The following CSMD2 variants were observed in gnomAD, a reference collection of about 807,000 sequenced individuals.
The protein encoded by CSMD2 is CUB and sushi domain-containing protein 2.
Under a neutral mutation model 398.5 loss-of-function variants are expected in CSMD2, and 130 were observed. The observed-to-expected ratio is 0.33, with a 90% confidence interval of 0.28 to 0.38. CSMD2 has a LOEUF of 0.38. CSMD2 is among the 10% of genes least tolerant of loss of function. The probability of loss-of-function intolerance (pLI) is 1.00; values close to 1 mark genes in which losing one functional copy is unlikely to be tolerated. For synonymous variants in CSMD2, 1,828 were observed against 1,908.5 expected (o/e 0.96, Z 1.10); for missense variants, 3,829 against 4,764.9 (o/e 0.80, Z 5.78).
At chr1:33,701,096 A>G (rs574654620) in intron 22 of CSMD2, among the ~76,000 whole-genome samples, 20 of 152,128 alleles carry the variant, frequency 1.3e-4, no homozygotes, top group African/African-American at 4.3e-4. Flanking sequence ...TAAACCCTCA[A>G]TCCTGTCCTT....
intron 13 of CSMD2, among the ~76,000 whole-genome samples, chr1:33,765,714 T>C (rs1025234421): frequency 5.9e-5 from 9 of 152,128 alleles, no homozygotes; most frequent in African/African-American, 2.2e-4. Flanking sequence ...AAGACAACTA[T>C]ACAATGAAAA....
intron 3 of CSMD2, among the ~76,000 whole-genome samples, chr1:34,026,044 C>G (rs1171763443): frequency 2.0e-5 from 3 of 152,208 alleles, no homozygotes; most frequent in Non-Finnish European, 4.4e-5. Context: ...AATTAGCTGA[C>G]ATTTATCAAG....
At chr1:33,932,051 A>G (rs1038768958) in intron 4 of CSMD2, among the ~76,000 whole-genome samples, 1 of 152,196 alleles carries the variant, frequency 6.6e-6, no homozygotes, top group Non-Finnish European at 1.5e-5. Context: ...GAACAGCAAG[A>G]AAAGCAAGAA....
At chr1:33,725,735 A>G (rs1025151464) in intron 16 of CSMD2, among the ~76,000 whole-genome samples, 199 bp from the exon 17 acceptor site, 1 of 151,968 alleles carries the variant, frequency 6.6e-6, no homozygotes, top group East Asian at 1.9e-4. Context: ...TCCTCCTTCC[A>G]TGGTTGGAAA....
At chr1:33,538,697 C>T (rs559559219) in intron 60 of CSMD2, among the ~76,000 whole-genome samples, 2 of 152,308 alleles carry the variant, frequency 1.3e-5, no homozygotes, top group African/African-American at 4.8e-5. Flanking sequence ...AAGTGAAGAG[C>T]AACCAGCGTG....
intron 25 of CSMD2, among the ~76,000 whole-genome samples, chr1:33,674,677 A>C (rs1468121613): frequency 6.6e-6 from 1 of 152,194 alleles, no homozygotes; most frequent in Admixed American, 6.5e-5. Flanking sequence ...ACCACACCAC[A>C]CCTATTCCAA....
chr1:33,856,203 C>A (rs926119191), intron 5 of CSMD2, among the ~76,000 whole-genome samples: 5 of 152,180 alleles, frequency 3.3e-5, no homozygotes, highest in African/African-American at 9.7e-5. Context: ...CTTACCAATG[C>A]CTTGAACCCA....
At chr1:33,880,889 T>C (rs1407296096) in intron 5 of CSMD2, among the ~76,000 whole-genome samples, 3 of 152,306 alleles carry the variant, frequency 2.0e-5, no homozygotes, top group South Asian at 4.1e-4. Context: ...CAGTGATAAG[T>C]GACAATAAGA....
At chr1:34,120,733 C>T (rs1423918408) in intron 1 of CSMD2, among the ~76,000 whole-genome samples, 1 of 152,090 alleles carries the variant, frequency 6.6e-6, no homozygotes, top group Non-Finnish European at 1.5e-5. Flanking sequence ...TTAGAAGAGA[C>T]GGTGTTTCAC....
chr1:34,092,440 G>C (rs1448741919), intron 1 of CSMD2, among the ~76,000 whole-genome samples: 1 of 152,226 alleles, frequency 6.6e-6, no homozygotes, highest in Non-Finnish European at 1.5e-5. Context: ...CCCGTCCACA[G>C]CTCCCAGCGT....
In CSMD2 at chr1:34,039,768, C is replaced by T. The variant is rs536273714; in HGVS notation, c.405-7062G>A. Among the ~76,000 whole-genome samples, 3 of 152,242 alleles carry T rather than the reference C, an allele frequency of 2.0e-5. No homozygotes were observed. The East Asian group carries it at 5.8e-4, about 29-fold the overall frequency. On this transcript the variant is annotated intron_variant, in intron 2 of 70. Coordinates refer to ENST00000373381, the MANE Select transcript of CSMD2 (RefSeq NM_001281956.2). The stretch of plus-strand genomic sequence containing the variant: ...GCCTAGTTTGAATAATTTCAGAGGG[C>T]ACCAGGGTATGTGGACCACCCTTAG...
At chr1:33,595,857 T>C (rs892450373) in intron 44 of CSMD2, among the ~76,000 whole-genome samples, 3 of 152,222 alleles carry the variant, frequency 2.0e-5, no homozygotes, top group African/African-American at 7.2e-5. Flanking sequence ...TGGTGCTAGA[T>C]GTGCTCATTA....
At chr1:33,776,515 GA>G (rs1323669887) in intron 12 of CSMD2, among the ~76,000 whole-genome samples, 2 of 152,182 alleles carry the variant, frequency 1.3e-5, no homozygotes, top group Non-Finnish European at 2.9e-5. Flanking sequence ...TCACTCTGGA[GA>G]AGAGGAAATC....
rs752782503 is a variant in CSMD2, at chr1:33,635,348, TAGAG to T, written c.4970-22_4970-19del. 6 of 1,481,562 alleles carry T rather than the reference TAGAG, an allele frequency of 4.0e-6. No individual in the cohort carries two copies. The highest frequency in any genetic ancestry group is 3.4e-5 in the South Asian group (3 of 87,778). 91.8% of individuals were successfully genotyped at this position (1,481,562 alleles called of 1,614,324 possible). A position where few individuals can be genotyped will look rare whatever the true frequency, so the allele number is the denominator to read the frequency against. On this transcript the variant is annotated intron_variant, in intron 30 of 70. Coordinates refer to ENST00000373381, the MANE Select transcript of CSMD2 (RefSeq NM_001281956.2). This position sits in a 1 kb window ranked among gnomAD's most constrained non-coding sequence, Gnocchi z 5.0. Reference sequence around the variant, plus strand: ...ACAGGGGGCTGAAAGAGAAACCAGATAGAGAGTCAGGTGACCTTGTGGGCCTCTT... The same window carrying T: ...ACAGGGGGCTGAAAGAGAAACCAGATAGTCAGGTGACCTTGTGGGCCTCTT...
At chr1:34,037,557 C>T (rs532906344) in intron 2 of CSMD2, among the ~76,000 whole-genome samples, 2 of 152,322 alleles carry the variant, frequency 1.3e-5, no homozygotes, top group Non-Finnish European at 1.5e-5. Flanking sequence ...TCCTAGCAAG[C>T]GCTGGTTGTC....
chr1:34,128,076 C>T (rs903138518), intron 1 of CSMD2, among the ~76,000 whole-genome samples: 2 of 152,108 alleles, frequency 1.3e-5, no homozygotes, highest in Admixed American at 6.5e-5. Flanking sequence ...TCTCAGCAAT[C>T]GGCCTCACCG....
At chr1:33,525,392 C>T (rs1371613880) in intron 65 of CSMD2, among the ~76,000 whole-genome samples, 1 of 152,202 alleles carries the variant, frequency 6.6e-6, no homozygotes, top group Non-Finnish European at 1.5e-5. Context: ...GAAATTCTTT[C>T]ATTTGCAGCA....
intron 12 of CSMD2, among the ~76,000 whole-genome samples, chr1:33,779,332 T>G (rs1182594500): frequency 1.3e-5 from 2 of 152,176 alleles, no homozygotes; most frequent in African/African-American, 4.8e-5. Context: ...AAATCCTGGC[T>G]CTGATACTAA....
At chr1:33,767,931 A>G (rs2149318654) in intron 13 of CSMD2, among the ~76,000 whole-genome samples, 1 of 152,286 alleles carries the variant, frequency 6.6e-6, no homozygotes, top group South Asian at 2.1e-4. Flanking sequence ...TGCAGCAAGA[A>G]CCTGGGTGCA....
Sources: gnomAD v4.1 joint callset for allele counts (sites outside exome capture counted in the v4.1 genomes callset) on GRCh38, gnomAD v4.1.1 for gene constraint, Gnocchi (gnomAD v3.1) non-coding constraint, MANE v1.5 for transcripts, NCBI Gene and HGNC (gene_info 2026-07-23, HGNC 2026-07-21) for gene names.